CDH4: variants seen among roughly 807,000 people sequenced by gnomAD.
CDH4 encodes cadherin-4.
In CDH4, 33 loss-of-function variants were observed where a neutral mutation model predicts 86.0. The ratio of observed to expected loss-of-function variants is 0.38; its 90% CI spans 0.29 to 0.51. The LOEUF is 0.51. CDH4 is among the 20% of genes least tolerant of loss of function. The pLI is 0.86. For synonymous variants in CDH4, 555 were observed against 549.4 expected, an observed-to-expected ratio of 1.01 and a Z score of -0.14; for missense variants, 1,114 against 1,307.4, an observed-to-expected ratio of 0.85 and a Z score of 2.28.
At chr20:61,571,810 C>G (rs1439184245) in intron 2 of CDH4, among the ~76,000 whole-genome samples, 1 of 141,906 alleles carries the variant, frequency 7.0e-6, no homozygotes, top group Non-Finnish European at 1.5e-5. Context: ...GCCCCCAGAT[C>G]CTCAGGAACT....
intron 2 of CDH4, among the ~76,000 whole-genome samples, chr20:61,295,934 A>G (rs191736921): frequency 2.0e-3 from 304 of 152,324 alleles, no homozygotes; most frequent in Middle Eastern, 6.8e-3. Flanking sequence ...CTGTAGAGTG[A>G]GAAAGTGCCA....
chr20:61,664,601 G>T (rs1324743238), intron 2 of CDH4, among the ~76,000 whole-genome samples: 90 of 152,236 alleles, frequency 5.9e-4, no homozygotes. Context: ...AGCAGGTCTT[G>T]CCCCCAAGAC....
chr20:61,739,831 T>C (rs2145937765), intron 2 of CDH4, among the ~76,000 whole-genome samples: 1 of 152,290 alleles, frequency 6.6e-6, no homozygotes, highest in African/African-American at 2.4e-5. Flanking sequence ...CCACAGAAAG[T>C]TCTATAAGCA....
At chr20:61,445,061 C>T (rs988542678) in intron 2 of CDH4, among the ~76,000 whole-genome samples, 4 of 152,084 alleles carry the variant, frequency 2.6e-5, no homozygotes, top group African/African-American at 9.7e-5. Flanking sequence ...GTTGATGGAG[C>T]ATTTTCCCTT....
intron 2 of CDH4, among the ~76,000 whole-genome samples, chr20:61,649,993 C>T (rs570003322): frequency 6.6e-6 from 1 of 152,294 alleles, no homozygotes; most frequent in African/African-American, 2.4e-5. Flanking sequence ...GCGCCGGAGC[C>T]CTGAGTCTCC....
chr20:61,783,853 C>T (rs1978702479), intron 4 of CDH4, among the ~76,000 whole-genome samples: 1 of 51,688 alleles, frequency 1.9e-5, no homozygotes, highest in Non-Finnish European at 3.9e-5. Context: ...TCTCAAGGCC[C>T]TCAGATGTCC....
Position 61,605,324 on chromosome 20 carries a change from CCT to C in CDH4, c.170-138228_170-138227del, listed in dbSNP as rs55716623. On this transcript the variant is annotated intron_variant, in intron 2 of 15. Transcript: ENST00000614565. ...TGGGTCCTTGGTGGGGCCCACTCTG[CCT>C]CTCTCTCTCTGTGTGTCTCTCTCTG... Among the ~76,000 whole-genome samples the C allele has an allele frequency of 6.0e-5, 9 of 150,362 alleles. 1 individual carries two copies. The South Asian group carries it at 1.7e-3, about 28-fold the overall frequency.
intron 2 of CDH4, among the ~76,000 whole-genome samples, chr20:61,613,449 T>C (rs571384130): frequency 5.3e-5 from 8 of 151,960 alleles, no homozygotes; most frequent in South Asian, 2.1e-4. Flanking sequence ...CCTCCTAATA[T>C]CGCCCTAGAC....
chr20:61,651,082 G>A (rs906451088), intron 2 of CDH4, among the ~76,000 whole-genome samples: 3 of 149,874 alleles, frequency 2.0e-5, no homozygotes, highest in Non-Finnish European at 4.4e-5. Flanking sequence ...GTGCTTGGCC[G>A]TGCACTGGTG....
intron 3 of CDH4, among the ~76,000 whole-genome samples, chr20:61,744,535 G>C (rs2088389651): frequency 1.8e-5 from 2 of 110,808 alleles, no homozygotes; most frequent in African/African-American, 7.3e-5. Flanking sequence ...GGGAGAGAGA[G>C]AAGGAGGGAG....
intron 2 of CDH4, among the ~76,000 whole-genome samples, chr20:61,575,453 C>CACAAA (rs1414483795): frequency 1.3e-5 from 2 of 152,154 alleles, no homozygotes; most frequent in African/African-American, 4.8e-5. Context: ...GTTGGGTAGT[C>CACAAA]TATAATGGTG....
At chr20:61,483,417 C>T (rs577296305) in intron 2 of CDH4, among the ~76,000 whole-genome samples, 3 of 152,270 alleles carry the variant, frequency 2.0e-5, no homozygotes, top group South Asian at 2.1e-4. Flanking sequence ...GTCCTCATGT[C>T]GATTGCTTGA....
At chr20:61,920,337 GTGGTGTCATA>G (rs2122961530) in intron 9 of CDH4, among the ~76,000 whole-genome samples, 1 of 95,616 alleles carries the variant, frequency 1.0e-5, no homozygotes, top group Middle Eastern at 8.9e-3. Context: ...GTGTGGAAGC[GTGGTGTCATA>G]GTGATTGCAT....
chr20:61,740,904 GA>G, intron 2 of CDH4: 1 of 152,354 alleles, frequency 6.6e-6, no homozygotes. Flanking sequence ...GACACAGACG[GA>G]AAAGGCATAA....
chr20:61,606,286 G>T (rs1423987465), intron 2 of CDH4, among the ~76,000 whole-genome samples: 1 of 152,216 alleles, frequency 6.6e-6, no homozygotes, highest in Non-Finnish European at 1.5e-5. Context: ...ACTTCCAAGT[G>T]CTCTGCGTGC....
chr20:61,876,195 T>TGCAGGG, intron 7 of CDH4, among the ~76,000 whole-genome samples: 1 of 152,212 alleles, frequency 6.6e-6, no homozygotes, highest in Non-Finnish European at 1.5e-5. Context: ...GATGGCCCCT[T>TGCAGGG]GCAGGGGCAG....
intron 2 of CDH4, among the ~76,000 whole-genome samples, chr20:61,588,615 C>A (rs1015842759): frequency 1.3e-5 from 2 of 152,038 alleles, no homozygotes; most frequent in African/African-American, 4.8e-5. Context: ...CTTTCTCACC[C>A]CAGGGCCCTC....
chr20:61,544,531 C>A lies in CDH4; in HGVS notation c.170-199032C>A, dbSNP rs1468650647. Among the ~76,000 whole-genome samples, 1 of 151,664 alleles carries A rather than the reference C, an allele frequency of 6.6e-6. No individual in the cohort carries two copies. The highest frequency in any genetic ancestry group is 1.5e-5 in the Non-Finnish European group (1 of 67,950). ...CATCCAGGAATTAAAGCAGTCCATG[C>A]AATGGCAGCCGCCAAGCAGAGACGG... On this transcript the variant is annotated intron_variant, in intron 2 of 15. Coordinates refer to ENST00000614565, the MANE Select transcript of CDH4 (RefSeq NM_001794.5). This position sits in a 1 kb window ranked among gnomAD's most constrained non-coding sequence, Gnocchi z 6.5.
chr20:61,306,200 A>G (rs1470927830), intron 2 of CDH4, among the ~76,000 whole-genome samples: 22 of 152,202 alleles, frequency 1.4e-4, no homozygotes, highest in Admixed American at 1.4e-3. Flanking sequence ...GATTAGATAG[A>G]TGATTGTGAA....
Sources: allele counts gnomAD v4.1 joint callset (sites outside exome capture counted in the v4.1 genomes callset), GRCh38; gene constraint gnomAD v4.1.1; non-coding constraint Gnocchi (gnomAD v3.1); transcripts MANE v1.5; gene names NCBI Gene and HGNC (gene_info 2026-07-23, HGNC 2026-07-21).